CPA6: variants seen among roughly 807,000 people sequenced by gnomAD.
CPA6 encodes the protein carboxypeptidase A6.
In CPA6, 58 loss-of-function variants were observed where a neutral mutation model predicts 63.3. The ratio of observed to expected loss-of-function variants is 0.92; its 90% CI spans 0.74 to 1.14. The LOEUF (loss-of-function observed/expected upper bound fraction) is 1.14, where lower values mean the gene tolerates loss of function less well. Ranked by LOEUF, CPA6 falls within the 50% of genes most tolerant of loss-of-function variation. The pLI is 0.00. For missense variants in CPA6, 565 were observed against 526.6 expected (o/e 1.07, Z -0.71); for synonymous variants, 185 against 179.0 (o/e 1.03, Z -0.27).
intron 2 of CPA6, among the ~76,000 whole-genome samples, chr8:67,571,214 C>A (rs188804337): frequency 6.6e-6 from 1 of 152,108 alleles, no homozygotes; most frequent in African/African-American, 2.4e-5. Flanking sequence ...CAAATATTAA[C>A]GGATCTGAAG....
rs745811365 is a variant in CPA6 at position 67,434,114 on chromosome 8, G to A, written c.965C>T (p.Ser322Phe). Residue 322 changes from serine to phenylalanine, a missense_variant, in exon 9 of 11, where the codon TCC becomes TTC. Physicochemically the swap from Ser to Phe is radical, Grantham distance 155. Coordinates refer to ENST00000297770, the MANE Select transcript of CPA6 (RefSeq NM_020361.5). ...TAACATCTGAGCATATGCATGAAAG[G>A]AGAGATAAGCCCTAATGTGCTTTCT... Reference protein sequence around the residue: ...KHRKHIRAYLSFHAYAQMLLY... With the variant: ...KHRKHIRAYLFFHAYAQMLLY... 5 of 1,613,980 alleles carry A rather than the reference G, an allele frequency of 3.1e-6. No homozygotes were observed. Among genetic ancestry groups the A allele is most frequent in the Non-Finnish European group, 4.2e-6 (5 of 1,179,934 alleles).
intron 10 of CPA6, among the ~76,000 whole-genome samples, chr8:67,425,592 T>C (rs531152744): frequency 2.6e-4 from 39 of 152,306 alleles, no homozygotes; most frequent in Admixed American, 5.2e-4. Context: ...GCCAGGCTGG[T>C]CTCAAACTCC....
In CPA6 at chr8:67,733,196, C is replaced by CAAAAAAAAAAAAA. The variant is rs1211323183; in HGVS notation, c.116+12805_116+12817dup. Among the ~76,000 whole-genome samples, 54 of 14,890 alleles carry CAAAAAAAAAAAAA rather than the reference C, an allele frequency of 3.6e-3. 4 individuals are homozygous for CAAAAAAAAAAAAA. Among genetic ancestry groups the CAAAAAAAAAAAAA allele is most frequent in the African/African-American group, 0.01 (48 of 4,756 alleles). The allele number at this position is 14,890 out of a possible 152,430, so 9.8% of individuals were successfully genotyped here. ...TGGGCTACAGAGCGAGACTCCATCT[C>CAAAAAAAAAAAAA]AAAAAAAAAAAAAAAAAAAAAAAAA... On this transcript the variant is annotated intron_variant, in intron 1 of 10. Transcript: ENST00000297770.
At chr8:67,432,212 C>A (rs1434996120) in intron 9 of CPA6, among the ~76,000 whole-genome samples, 1 of 152,132 alleles carries the variant, frequency 6.6e-6, no homozygotes, top group Admixed American at 6.5e-5. Context: ...ATCCTTCACC[C>A]TCTGAGGAGG....
chr8:67,546,186 C>A (rs1310578183), intron 2 of CPA6, among the ~76,000 whole-genome samples: 1 of 152,118 alleles, frequency 6.6e-6, no homozygotes, highest in Non-Finnish European at 1.5e-5. Flanking sequence ...AAAGAGTACA[C>A]AATTATGATT....
intron 6 of CPA6, among the ~76,000 whole-genome samples, chr8:67,485,978 T>C (rs1811469053): frequency 6.6e-6 from 1 of 152,218 alleles, no homozygotes; most frequent in African/African-American, 2.4e-5. Flanking sequence ...AAAATTATCG[T>C]GACTATTTTT....
intron 7 of CPA6, among the ~76,000 whole-genome samples, chr8:67,484,074 CTTT>C (rs11320694): frequency 6.8e-6 from 1 of 146,528 alleles, no homozygotes; most frequent in Non-Finnish European, 1.5e-5. Context: ...TTTGCCTTCT[CTTT>C]TTTTTTTTTT....
rs868448100 is a variant in CPA6 at position 67,738,028 on chromosome 8, A to G, written c.116+7986T>C. On this transcript the variant is annotated intron_variant, in intron 1 of 10. Coordinates refer to ENST00000297770, the MANE Select transcript of CPA6 (RefSeq NM_020361.5). The stretch of plus-strand genomic sequence containing the variant: ...TTAAAAAATGTCATTTATAGAAGAA[A>G]AAATGCACACTTTTAATTAGCTGGA... Among the ~76,000 whole-genome samples the G allele has an allele frequency of 7.2e-5, 11 of 152,300 alleles. No homozygotes were observed. In the South Asian group the frequency reaches 2.3e-3, roughly 32 times the overall value.
chr8:67,441,750 G>A (rs1810298600), intron 8 of CPA6, among the ~76,000 whole-genome samples: 2 of 152,036 alleles, frequency 1.3e-5, no homozygotes, highest in Non-Finnish European at 2.9e-5. Context: ...ATATACAAAA[G>A]TGAATTCTAA....
intron 1 of CPA6, among the ~76,000 whole-genome samples, chr8:67,655,721 C>T (rs573810139): frequency 3.9e-5 from 6 of 151,946 alleles, no homozygotes; most frequent in Non-Finnish European, 7.4e-5. Context: ...AGCAAAGAGG[C>T]CCCTGTGTGA....
chr8:67,700,483 AGTCAATAGAT>A (rs1299990416), intron 1 of CPA6, among the ~76,000 whole-genome samples: 18 of 149,420 alleles, frequency 1.2e-4, no homozygotes, highest in African/African-American at 4.6e-4. Context: ...AGGACTTGTA[AGTCAATAGAT>A]GTTGTAATTC....
chr8:67,739,903 C>G (rs1377569708), intron 1 of CPA6, among the ~76,000 whole-genome samples: 1 of 152,134 alleles, frequency 6.6e-6, no homozygotes, highest in African/African-American at 2.4e-5. Context: ...TACATTAACC[C>G]AGACTGAGAT....
chr8:67,740,228 A>G (rs944864944), intron 1 of CPA6, among the ~76,000 whole-genome samples: 4 of 152,220 alleles, frequency 2.6e-5, no homozygotes, highest in African/African-American at 9.6e-5. Flanking sequence ...GTCCTGGGAA[A>G]AGGGGGACTT....
intron 1 of CPA6, among the ~76,000 whole-genome samples, chr8:67,709,912 A>G (rs1301942132): frequency 6.6e-6 from 1 of 151,988 alleles, no homozygotes; most frequent in Admixed American, 6.6e-5. Context: ...GGAGTTTGAG[A>G]CCAGCCTGGC....
intron 2 of CPA6, among the ~76,000 whole-genome samples, 188 bp from the exon 3 acceptor site, chr8:67,518,235 C>T (rs1376663435): frequency 1.3e-5 from 2 of 152,078 alleles, no homozygotes; most frequent in South Asian, 2.1e-4. Context: ...TATATCATAT[C>T]CATATAGAAT....
intron 1 of CPA6, among the ~76,000 whole-genome samples, chr8:67,650,787 C>T (rs1011449033): frequency 4.6e-5 from 7 of 152,080 alleles, no homozygotes; most frequent in Admixed American, 1.3e-4. Context: ...ATACTCTTGT[C>T]GGATTGTCTT....
intron 8 of CPA6, among the ~76,000 whole-genome samples, chr8:67,440,809 T>C (rs1810276498): frequency 6.6e-6 from 1 of 152,134 alleles, no homozygotes. Flanking sequence ...TATAATCTTA[T>C]GGGACCTCTG....
At chr8:67,591,701 G>A (rs1172341295) in intron 2 of CPA6, among the ~76,000 whole-genome samples, 1 of 152,110 alleles carries the variant, frequency 6.6e-6, no homozygotes, top group Admixed American at 6.6e-5. Flanking sequence ...TGTTATTGGT[G>A]TATAAGAAGG....
intron 8 of CPA6, among the ~76,000 whole-genome samples, chr8:67,457,595 G>A (rs532838070): frequency 6.6e-6 from 1 of 151,930 alleles, no homozygotes; most frequent in Admixed American, 6.6e-5. Context: ...GGATAGCACC[G>A]TGGCCTCTAA....
Sources: gnomAD v4.1 joint callset for allele counts (sites outside exome capture counted in the v4.1 genomes callset) on GRCh38, gnomAD v4.1.1 for gene constraint, MANE v1.5 for transcripts, NCBI Gene and HGNC (gene_info 2026-07-23, HGNC 2026-07-21) for gene names.